Variants in GJA4 observed in about 807,000 individuals in gnomAD.
GJA4 encodes the protein gap junction alpha-4 protein.
GJA4 carries 13 observed loss-of-function variants against 25.1 expected under a neutral mutation model. The ratio of observed to expected loss-of-function variants is 0.52; its 90% CI spans 0.34 to 0.82. The LOEUF is 0.82. GJA4 is among the 40% of genes least tolerant of loss of function. The pLI is 0.02. For missense variants in GJA4, 357 were observed against 443.5 expected (o/e 0.80, Z 1.75); for synonymous variants, 167 against 193.9 (o/e 0.86, Z 1.15).
Position 34,795,448 on chromosome 1 carries a change from T to C in GJA4, c.*233T>C. Reference sequence around the variant, plus strand: ...TGGCTTTGCCTGAGCACAGACAGAGTCAGCATGGAATGCTCTTGGCCAAGG... The same window carrying C: ...TGGCTTTGCCTGAGCACAGACAGAGCCAGCATGGAATGCTCTTGGCCAAGG... On this transcript the variant is annotated 3_prime_UTR_variant, in exon 2 of 2. Coordinates refer to ENST00000342280, the MANE Select transcript of GJA4 (RefSeq NM_002060.3). The C allele has an allele frequency of 2.0e-6, 1 of 505,334 alleles. No homozygotes were observed. Among genetic ancestry groups the C allele is most frequent in the Non-Finnish European group, 3.6e-6 (1 of 276,922 alleles). The allele number at this position is 505,334 out of a possible 1,614,324, so 31.3% of individuals were successfully genotyped here. A position where few individuals can be genotyped will look rare whatever the true frequency, so the allele number is the denominator to read the frequency against.
chr1:34,794,947 G>T lies in GJA4; in HGVS notation c.734G>T (p.Gly245Val), dbSNP rs1307797393. Residue 245 changes from glycine (G) to valine (V), a missense_variant, in exon 2 of 2, where the codon GGC becomes GTC. Gly to Val is a moderately radical substitution (Grantham distance 109). Transcript: ENST00000342280. The surrounding 1 kb of genome is among the most constrained non-coding windows in gnomAD (Gnocchi z 7.8). ...AGCCGGGGGATGAGGGCACGGCAAG[G>T]CCAAGACGCACCCCCGACCCAGGGC... is the stretch of plus-strand genomic sequence containing the variant. Reference protein sequence around the residue: ...CLSRGMRARQGQDAPPTQGTS... With the variant: ...CLSRGMRARQVQDAPPTQGTS... 6.2e-7 allele frequency: 1 copy of T among 1,614,122 alleles called. No homozygotes were observed.
rs754904764 is a variant in GJA4, at chr1:34,794,585, G to T, written c.372G>T (p.Glu124Asp). The change falls in exon 2 of 2, where the codon GAG becomes GAT. Residue 124 changes from glutamate (E) to aspartate (D), a missense_variant. By Grantham distance (45) the Glu-to-Asp change is conservative. This residue lies in a region of GJA4 where 278 missense variants were observed against 298.1 expected (regional missense o/e 0.93). Coordinates refer to ENST00000342280, the MANE Select transcript of GJA4 (RefSeq NM_002060.3). The surrounding 1 kb of genome is among the most constrained non-coding windows in gnomAD (Gnocchi z 7.8). Reference sequence around the variant, plus strand: ...TGCCGGCCAAGGACCCACAGGTGGAGCGGGCGCTGGCGGCCGTAGAGCGTC... The same window carrying T: ...TGCCGGCCAAGGACCCACAGGTGGATCGGGCGCTGGCGGCCGTAGAGCGTC... Reference protein sequence around the residue: ...RALPAKDPQVERALAAVERQM... With the variant: ...RALPAKDPQVDRALAAVERQM... The T allele has an allele frequency of 6.2e-7, 1 of 1,607,236 alleles. No homozygotes were observed. The highest frequency in any genetic ancestry group is 1.7e-5 in the Admixed American group (1 of 60,006).
rs775584659 is a variant in GJA4 at position 34,795,155 on chromosome 1, G to C, written c.942G>C (p.Gln314His). The change falls in exon 2 of 2, where the codon CAG becomes CAC. Residue 314 changes from glutamine to histidine, a missense_variant. Around this residue, in one of 2 missense-constraint regions of GJA4, gnomAD observed 278 missense variants for 298.1 expected, o/e 0.93. Coordinates refer to ENST00000342280, the MANE Select transcript of GJA4 (RefSeq NM_002060.3). Reference sequence around the variant, plus strand: ...CTCTCTTCCTGGACCCACCCCCTCAGAATGGCCAAAAACCCCCAAGTCGTC... The same window carrying C: ...CTCTCTTCCTGGACCCACCCCCTCACAATGGCCAAAAACCCCCAAGTCGTC... ...RPPLFLDPPP[Q>H]NGQKPPSRPS... 6.2e-7 allele frequency: 1 copy of C among 1,613,010 alleles called. No individual in the cohort carries two copies. Among genetic ancestry groups the C allele is most frequent in the Non-Finnish European group, 8.5e-7 (1 of 1,179,412 alleles).
At position 34,795,118 on chromosome 1, in the gene GJA4, C is replaced by T; in HGVS notation, c.905C>T (p.Ser302Phe). The change falls in exon 2 of 2, where the codon TCT becomes TTT. Residue 302 changes from serine to phenylalanine, a missense_variant. Ser to Phe is a radical substitution (Grantham distance 155, BLOSUM62 -2). This residue lies in a region of GJA4 where 278 missense variants were observed against 298.1 expected (regional missense o/e 0.93). Coordinates refer to ENST00000342280, the MANE Select transcript of GJA4 (RefSeq NM_002060.3). ...ANLTTEERLASSRPPLFLDPP... is the reference protein window; with the variant it reads ...ANLTTEERLAFSRPPLFLDPP... ...CTGACCACAGAGGAGAGGCTGGCGT[C>T]TTCCAGGCCCCCTCTCTTCCTGGAC... is the stretch of plus-strand genomic sequence containing the variant. The T allele has an allele frequency of 6.2e-7, 1 of 1,613,312 alleles. No homozygotes were observed. Among genetic ancestry groups the T allele is most frequent in the Non-Finnish European group, 8.5e-7 (1 of 1,179,508 alleles).
chr1:34,794,129 C>A lies in GJA4; in HGVS notation c.-17-68C>A. 3.1e-6 allele frequency: 4 copies of A among 1,295,692 alleles called. No homozygotes were observed. The highest frequency in any genetic ancestry group is 1.4e-5 in the South Asian group (1 of 71,456). The allele number at this position is 1,295,692 out of a possible 1,614,324, so 80.3% of individuals were successfully genotyped here. A position where few individuals can be genotyped will look rare whatever the true frequency, so the allele number is the denominator to read the frequency against. On this transcript the variant is annotated intron_variant, in intron 1 of 1. Transcript: ENST00000342280. This position sits in a 1 kb window ranked among gnomAD's most constrained non-coding sequence, Gnocchi z 7.8. ...AGAACGGGCGTGGCAGACCTCCCTG[C>A]AGGCTTGTTGCTGGGCGAACGAGAA...
Position 34,794,414 on chromosome 1 carries a change from C to T in GJA4, c.201C>T (p.Asp67=), listed in dbSNP as rs1245543971. The stretch of plus-strand genomic sequence containing the variant: ...CAGGCTGCACCAACGTCTGCTATGA[C>T]CAGGCCTTCCCCATCTCCCACATCC... The part of the protein sequence containing the change: ...AQPGCTNVCY[D]QAFPISHIRY... Residue 67 remains aspartate (D), a synonymous_variant, in exon 2 of 2, where the codon GAC becomes GAT. Coordinates refer to ENST00000342280, the MANE Select transcript of GJA4 (RefSeq NM_002060.3). This position sits in a 1 kb window ranked among gnomAD's most constrained non-coding sequence, Gnocchi z 7.8. The T allele has an allele frequency of 6.2e-7, 1 of 1,614,212 alleles. No individual in the cohort carries two copies. The highest frequency in any genetic ancestry group is 1.3e-5 in the African/African-American group (1 of 75,074).
rs1640244661 is a variant in GJA4, at chr1:34,794,459, C to A, written c.246C>A (p.Phe82Leu). The change falls in exon 2 of 2, where the codon TTC becomes TTA. Residue 82 changes from phenylalanine (F) to leucine (L), a missense_variant. Physicochemically the swap from Phe to Leu is conservative, Grantham distance 22. Coordinates refer to ENST00000342280, the MANE Select transcript of GJA4 (RefSeq NM_002060.3). The surrounding 1 kb of genome is among the most constrained non-coding windows in gnomAD (Gnocchi z 7.8). ...ISHIRYWVLQ[F>L]LFVSTPTLVY... ...ACATCCGCTACTGGGTGCTGCAGTT[C>A]CTCTTCGTCAGCACACCCACCCTGG... 2 of 1,614,108 alleles carry A rather than the reference C, an allele frequency of 1.2e-6. No homozygotes were observed. Among genetic ancestry groups the A allele is most frequent in the Non-Finnish European group, 1.7e-6 (2 of 1,180,048 alleles).
In GJA4 at chr1:34,793,024, C is replaced by T. The variant is rs1305025244; in HGVS notation, c.-62C>T. On this transcript the variant is annotated 5_prime_UTR_variant, in exon 1 of 2. Coordinates refer to ENST00000342280, the MANE Select transcript of GJA4 (RefSeq NM_002060.3). ...AGCAGGGCTCCCGCGGGCGTCACTC[C>T]GGCCATCGTCCCCACCTCCACCTGG... The T allele has an allele frequency of 1.7e-5, 6 of 347,246 alleles. No homozygotes were observed. The highest frequency in any genetic ancestry group is 1.5e-4 in the Admixed American group (4 of 26,340). 21.5% of individuals were successfully genotyped at this position (347,246 alleles called of 1,614,324 possible). A position where few individuals can be genotyped will look rare whatever the true frequency, so the allele number is the denominator to read the frequency against.
At position 34,795,032 on chromosome 1, in the gene GJA4, C is replaced by G; in HGVS notation, c.819C>G (p.Pro273=). ...VFFYLPVGQG[P]SSPPCPTYNG... ...TCTACCTCCCCGTGGGCCAGGGGCC[C>G]TCATCCCCACCATGCCCCACCTACA... Residue 273 remains proline (P), a synonymous_variant, in exon 2 of 2, where the codon CCC becomes CCG. Transcript: ENST00000342280. 1 of 1,613,176 alleles carries G rather than the reference C, an allele frequency of 6.2e-7. No homozygotes were observed. Among genetic ancestry groups the G allele is most frequent in the Non-Finnish European group, 8.5e-7 (1 of 1,179,584 alleles).
Position 34,794,183 on chromosome 1 carries a change from C to G in GJA4, c.-17-14C>G. 4 of 1,603,914 alleles carry G rather than the reference C, an allele frequency of 2.5e-6. No individual in the cohort carries two copies. Among genetic ancestry groups the G allele is most frequent in the Non-Finnish European group, 2.6e-6 (3 of 1,174,010 alleles). On this transcript the variant is annotated splice_polypyrimidine_tract_variant and intron_variant, in intron 1 of 1. Transcript: ENST00000342280. The surrounding 1 kb of genome is among the most constrained non-coding windows in gnomAD (Gnocchi z 7.8). The stretch of plus-strand genomic sequence containing the variant: ...TGCCATGCTGACACACTGACGTGCT[C>G]TGTCTCCTTGCAGACGGAGGCCCGG...
chr1:34,794,493 G>A lies in GJA4; in HGVS notation c.280G>A (p.Gly94Ser). 1 of 1,614,136 alleles carries A rather than the reference G, an allele frequency of 6.2e-7. No homozygotes were observed. The highest frequency in any genetic ancestry group is 8.5e-7 in the Non-Finnish European group (1 of 1,180,030). The change falls in exon 2 of 2, where the codon GGC (glycine) becomes AGC (serine). Residue 94 changes from glycine to serine, a missense_variant. Gly to Ser is a moderately conservative substitution (Grantham distance 56, BLOSUM62 0). Coordinates refer to ENST00000342280, the MANE Select transcript of GJA4 (RefSeq NM_002060.3). This position sits in a 1 kb window ranked among gnomAD's most constrained non-coding sequence, Gnocchi z 7.8. ...FVSTPTLVYL[G>S]HVIYLSRREE... The stretch of plus-strand genomic sequence containing the variant: ...CAGCACACCCACCCTGGTCTACCTG[G>A]GCCATGTCATTTACCTGTCTCGGCG...
chr1:34,795,075 G>T lies in GJA4; in HGVS notation c.862G>T (p.Glu288Ter). 2 of 1,613,706 alleles carry T rather than the reference G, an allele frequency of 1.2e-6. No homozygotes were observed. Among genetic ancestry groups the T allele is most frequent in the Non-Finnish European group, 1.7e-6 (2 of 1,179,898 alleles). ...CPTYNGLSSSEQNWANLTTEE... is the reference protein window; with the variant it reads ...CPTYNGLSSS ...CACCTACAATGGGCTCTCATCCAGT[G>T]AGCAGAACTGGGCCAACCTGACCAC... Residue 288 changes from glutamate (E) to a stop codon, truncating the protein, a stop_gained, in exon 2 of 2, where the codon GAG becomes TAG. Transcript: ENST00000342280. LOFTEE classifies it high-confidence loss of function.
Position 34,793,082 on chromosome 1 carries a change from T to C in GJA4, c.-18+14T>C, listed in dbSNP as rs1455098743. ...GGCAGGCAGGCGGTGAGTCGGGGGC[T>C]AGGAAGGGACCAGGGGCGCCACCTG... is the stretch of plus-strand genomic sequence containing the variant. On this transcript the variant is annotated intron_variant, in intron 1 of 1. Coordinates refer to ENST00000342280, the MANE Select transcript of GJA4 (RefSeq NM_002060.3). 9.1e-6 allele frequency: 3 copies of C among 331,428 alleles called. No homozygotes were observed. Among genetic ancestry groups the C allele is most frequent in the African/African-American group, 2.2e-5 (1 of 45,560 alleles). The allele number at this position is 331,428 out of a possible 1,614,324, so 20.5% of individuals were successfully genotyped here. A position where few individuals can be genotyped will look rare whatever the true frequency, so the allele number is the denominator to read the frequency against.
In GJA4 at chr1:34,794,584, A is replaced by T; in HGVS notation, c.371A>T (p.Glu124Val). 1 of 1,607,286 alleles carries T rather than the reference A, an allele frequency of 6.2e-7. No individual in the cohort carries two copies. Residue 124 changes from glutamate (E) to valine (V), a missense_variant, in exon 2 of 2, where the codon GAG (glutamate) becomes GTG (valine). Physicochemically the swap from Glu to Val is moderately radical, Grantham distance 121 (BLOSUM62 -2). This residue lies in a region of GJA4 where 278 missense variants were observed against 298.1 expected (regional missense o/e 0.93). Transcript: ENST00000342280. The surrounding 1 kb of genome is among the most constrained non-coding windows in gnomAD (Gnocchi z 7.8). ...CTGCCGGCCAAGGACCCACAGGTGG[A>T]GCGGGCGCTGGCGGCCGTAGAGCGT... ...RALPAKDPQV[E>V]RALAAVERQM...
Position 34,794,507 on chromosome 1 carries a change from C to A in GJA4, c.294C>A (p.Tyr98Ter). The part of the protein sequence containing the change: ...PTLVYLGHVI[Y>*]LSRREERLRQ... Reference sequence around the variant, plus strand: ...TGGTCTACCTGGGCCATGTCATTTACCTGTCTCGGCGAGAAGAGCGGCTGC... The same window carrying A: ...TGGTCTACCTGGGCCATGTCATTTAACTGTCTCGGCGAGAAGAGCGGCTGC... Residue 98 changes from tyrosine (Y) to a stop codon, truncating the protein, a stop_gained, in exon 2 of 2, where the codon TAC becomes TAA. Coordinates refer to ENST00000342280, the MANE Select transcript of GJA4 (RefSeq NM_002060.3). LOFTEE classifies it high-confidence loss of function. This position sits in a 1 kb window ranked among gnomAD's most constrained non-coding sequence, Gnocchi z 7.8. The A allele has an allele frequency of 6.2e-7, 1 of 1,614,038 alleles. No individual in the cohort carries two copies. The highest frequency in any genetic ancestry group is 8.5e-7 in the Non-Finnish European group (1 of 1,180,038).
At position 34,794,764 on chromosome 1, in the gene GJA4, T is replaced by C. The variant is rs1372114414; in HGVS notation, c.551T>C (p.Val184Ala). ...WRLYGWTMEPVFVCQRAPCPY... is the reference protein window; with the variant it reads ...WRLYGWTMEPAFVCQRAPCPY... ...CTGTACGGCTGGACCATGGAGCCCG[T>C]GTTTGTGTGCCAGCGAGCACCCTGC... Residue 184 changes from valine to alanine, a missense_variant, in exon 2 of 2, where the codon GTG (valine) becomes GCG (alanine). Val to Ala is a moderately conservative substitution (Grantham distance 64). Transcript: ENST00000342280. This position sits in a 1 kb window ranked among gnomAD's most constrained non-coding sequence, Gnocchi z 7.8. 6.2e-7 allele frequency: 1 copy of C among 1,613,758 alleles called. No individual in the cohort carries two copies. The highest frequency in any genetic ancestry group is 8.5e-7 in the Non-Finnish European group (1 of 1,179,944).
chr1:34,793,738 A>C (rs1452428491), intron 1 of GJA4, among the ~76,000 whole-genome samples: 2 of 152,204 alleles, frequency 1.3e-5, no homozygotes, highest in African/African-American at 4.8e-5. Flanking sequence ...AAGAAGCAGA[A>C]GATAACACCT....
intron 1 of GJA4, among the ~76,000 whole-genome samples, chr1:34,793,351 G>C (rs1034775440): frequency 1.3e-5 from 2 of 152,362 alleles, no homozygotes; most frequent in South Asian, 4.1e-4. Flanking sequence ...TAAAAGGCAA[G>C]ATTTGAACCC....
rs780885529 is a variant in GJA4 at position 34,794,082 on chromosome 1, G to T, written c.-17-115G>T. On this transcript the variant is annotated intron_variant, in intron 1 of 1. Transcript: ENST00000342280. This position sits in a 1 kb window ranked among gnomAD's most constrained non-coding sequence, Gnocchi z 7.8. Reference sequence around the variant, plus strand: ...CTCCAGGCCAGTCCTTCCCCTTCCTGAGCCTGGGTTTCTTTGTAGGTAGAA... The same window carrying T: ...CTCCAGGCCAGTCCTTCCCCTTCCTTAGCCTGGGTTTCTTTGTAGGTAGAA... 49 of 823,912 alleles carry T rather than the reference G, an allele frequency of 5.9e-5. No individual in the cohort carries two copies. Among genetic ancestry groups the T allele is most frequent in the Non-Finnish European group, 7.9e-5 (42 of 529,578 alleles). 51.0% of individuals were successfully genotyped at this position (823,912 alleles called of 1,614,324 possible). A position where few individuals can be genotyped will look rare whatever the true frequency, so the allele number is the denominator to read the frequency against.
Sources: gnomAD v4.1 joint callset for allele counts (sites outside exome capture counted in the v4.1 genomes callset) on GRCh38, gnomAD v4.1.1 for gene constraint, gnomAD v4.1.1 regional missense constraint, Gnocchi (gnomAD v3.1) non-coding constraint, MANE v1.5 for transcripts, NCBI Gene and HGNC (gene_info 2026-07-23, HGNC 2026-07-21) for gene names.